The following SETD2 variants were observed in gnomAD, a reference collection of about 807,000 sequenced individuals.
The protein encoded by SETD2 is histone-lysine N-methyltransferase SETD2.
SETD2 carries 31 observed loss-of-function variants against 242.1 expected under a neutral mutation model. The ratio of observed to expected loss-of-function variants is 0.13; its 90% confidence interval spans 0.10 to 0.17. The LOEUF is 0.17. SETD2 is among the 10% of genes least tolerant of loss of function. The pLI, the probability that SETD2 is intolerant of heterozygous loss-of-function variation, is 1.00. For synonymous variants in SETD2, 1,006 were observed against 1,066.5 expected, an observed-to-expected ratio of 0.94 and a Z score of 1.11; for missense variants, 2,481 against 3,046.3, an observed-to-expected ratio of 0.81 and a Z score of 4.37.
At position 47,016,789 on chromosome 3, in the gene SETD2, T is replaced by C. The variant is rs959608338; in HGVS notation, c.*304A>G. 6 of 381,080 alleles carry C rather than the reference T, an allele frequency of 1.6e-5. No homozygotes were observed. The highest frequency in any genetic ancestry group is 7.9e-5 in the African/African-American group (4 of 50,750). The allele number at this position is 381,080 out of a possible 1,614,324, so 23.6% of individuals were successfully genotyped here. A position where few individuals can be genotyped will look rare whatever the true frequency, so the allele number is the denominator to read the frequency against. ...TGGGGATGCGCATGGGTCTGTGCGC[T>C]GACAGCACCGCCAAGGAGAAGACCC... is the stretch of plus-strand genomic sequence containing the variant. On this transcript the variant is annotated 3_prime_UTR_variant, in exon 21 of 21. Transcript: ENST00000409792.
Position 47,093,304 on chromosome 3 carries a change from G to T in SETD2, c.5142+4651C>A, listed in dbSNP as rs543524663. Among the ~76,000 whole-genome samples the T allele has an allele frequency of 2.5e-3, 303 of 122,328 alleles. 2 individuals are homozygous for T. Among genetic ancestry groups the T allele is most frequent in the Admixed American group, 6.3e-3 (75 of 11,836 alleles). 80.3% of individuals were successfully genotyped at this position (122,328 alleles called of 152,430 possible). A position where few individuals can be genotyped will look rare whatever the true frequency, so the allele number is the denominator to read the frequency against. On this transcript the variant is annotated intron_variant, in intron 9 of 20. Coordinates refer to ENST00000409792, the MANE Select transcript of SETD2 (RefSeq NM_014159.7). ...CCATCCTTTTTTTTTTTTTTTTTGA[G>T]ACTGAGCTTCACTCTGTCGCCCAGG... is the stretch of plus-strand genomic sequence containing the variant.
chr3:47,030,707 A>T (rs79534944), intron 18 of SETD2, among the ~76,000 whole-genome samples: 1 of 152,190 alleles, frequency 6.6e-6, no homozygotes, highest in Non-Finnish European at 1.5e-5. Flanking sequence ...AACTATTATT[A>T]AAAAATGGAA....
rs2043175520 is a variant in SETD2, at chr3:47,123,169, A to G, written c.1467T>C (p.Ser489=). 6.2e-7 allele frequency: 1 copy of G among 1,608,838 alleles called. No individual in the cohort carries two copies. The change falls in exon 3 of 21, where the codon TCT becomes TCC. Residue 489 remains serine (S), a synonymous_variant. Coordinates refer to ENST00000409792, the MANE Select transcript of SETD2 (RefSeq NM_014159.7). ...SYRDLRTSSY[S]KSDRDCKTET... ...CAGTTTTACAGTCCCGATCAGATTT[A>G]GAATAGGATGATGTCCTTAGGTCTC...
At chr3:47,070,383 C>G (rs1241821256) in intron 12 of SETD2, among the ~76,000 whole-genome samples, 2 of 152,188 alleles carry the variant, frequency 1.3e-5, no homozygotes, top group Non-Finnish European at 1.5e-5. Flanking sequence ...GATCCTCTCT[C>G]TTTCTAGTCA....
intron 9 of SETD2, among the ~76,000 whole-genome samples, chr3:47,092,964 T>C (rs2041864532): frequency 6.6e-6 from 1 of 152,180 alleles, no homozygotes; most frequent in African/African-American, 2.4e-5. Flanking sequence ...TCTTTATAGG[T>C]TTACTATCCA....
chr3:47,079,184 T>A (rs1262547267), intron 12 of SETD2, among the ~76,000 whole-genome samples: 1 of 152,188 alleles, frequency 6.6e-6, no homozygotes, highest in Non-Finnish European at 1.5e-5. Context: ...TGAAATTATA[T>A]CATAATTAAA....
intron 5 of SETD2, among the ~76,000 whole-genome samples, chr3:47,107,674 AG>A (rs548888159): frequency 7.0e-5 from 10 of 142,108 alleles, no homozygotes; most frequent in Admixed American, 3.8e-4. Flanking sequence ...CTCCACTTCC[AG>A]GATTAGTGCC....
At chr3:47,129,405 G>A (rs1282174050) in intron 1 of SETD2, among the ~76,000 whole-genome samples, 2 of 152,196 alleles carry the variant, frequency 1.3e-5, no homozygotes, top group East Asian at 3.9e-4. Flanking sequence ...AGAGCTTTCT[G>A]CACTCGTTTG....
Position 47,123,143 on chromosome 3 carries a change from T to A in SETD2, c.1493A>T (p.Glu498Val), listed in dbSNP as rs1220399210. ...YSKSDRDCKT[E>V]TSYLEMERRG... is the part of the protein sequence containing the mutation. ...TCTTTCCATCTCTAAGTAAGAGGTC[T>A]CAGTTTTACAGTCCCGATCAGATTT... is the stretch of plus-strand genomic sequence containing the variant. The change falls in exon 3 of 21, where the codon GAG (glutamate) becomes GTG (valine). Residue 498 changes from glutamate (E) to valine (V), a missense_variant. Glu to Val is a moderately radical substitution (Grantham distance 121, BLOSUM62 -2). Transcript: ENST00000409792. 2 of 1,613,216 alleles carry A rather than the reference T, an allele frequency of 1.2e-6. No homozygotes were observed. The highest frequency in any genetic ancestry group is 1.7e-6 in the Non-Finnish European group (2 of 1,179,418).
intron 5 of SETD2, among the ~76,000 whole-genome samples, chr3:47,107,922 A>T (rs1263224584): frequency 6.6e-6 from 1 of 151,998 alleles, no homozygotes; most frequent in African/African-American, 2.4e-5. Context: ...TGAATCTACA[A>T]TGAGCTACAA....
chr3:47,140,415 C>A (rs2043699171), intron 1 of SETD2, among the ~76,000 whole-genome samples: 1 of 152,210 alleles, frequency 6.6e-6, no homozygotes, highest in Non-Finnish European at 1.5e-5. Context: ...TAATTTTACT[C>A]ATTACTCTGA....
chr3:47,101,323 C>T (rs2042203399), intron 8 of SETD2, 135 bp downstream of exon 8: 1 of 575,620 alleles, frequency 1.7e-6, no homozygotes, highest in Non-Finnish European at 3.1e-6. Context: ...CACACAAAAC[C>T]AAAACAATAT....
intron 15 of SETD2, among the ~76,000 whole-genome samples, chr3:47,054,762 AT>A (rs2039983804): frequency 6.6e-6 from 1 of 152,206 alleles, no homozygotes; most frequent in Non-Finnish European, 1.5e-5. Flanking sequence ...ATGGAATGCT[AT>A]TTATAATTAT....
chr3:47,094,889 A>G (rs1483741218), intron 9 of SETD2, among the ~76,000 whole-genome samples: 2 of 152,198 alleles, frequency 1.3e-5, no homozygotes, highest in Non-Finnish European at 2.9e-5. Context: ...ACTAAGACCT[A>G]TCCTGAAATT....
intron 18 of SETD2, among the ~76,000 whole-genome samples, chr3:47,021,931 G>A (rs1361830272): frequency 2.6e-5 from 4 of 151,246 alleles, no homozygotes; most frequent in Admixed American, 2.0e-4. Context: ...GGCGGATCAC[G>A]AGGTCAAGAG....
intron 1 of SETD2, among the ~76,000 whole-genome samples, chr3:47,135,741 G>A (rs998933353): frequency 6.6e-6 from 1 of 152,132 alleles, no homozygotes; most frequent in East Asian, 1.9e-4. Flanking sequence ...CTATCACCAT[G>A]ATCTCCATGA....
chr3:47,133,191 A>G lies in SETD2; in HGVS notation c.72-6528T>C, dbSNP rs115853588. On this transcript the variant is annotated intron_variant, in intron 1 of 20. Transcript: ENST00000409792. The stretch of plus-strand genomic sequence containing the variant: ...TCGGGAATCTGGGTGAAGGGTATAT[A>G]GGAAATCTCTGTGTTTTAAAAAAAT... Among the ~76,000 whole-genome samples, 718 of 152,272 alleles carry G rather than the reference A, an allele frequency of 4.7e-3. 9 individuals carry two copies. Among genetic ancestry groups the G allele is most frequent in the African/African-American group, 0.017 (697 of 41,554 alleles).
intron 1 of SETD2, among the ~76,000 whole-genome samples, chr3:47,127,349 T>A (rs1384028268): frequency 5.6e-5 from 8 of 142,210 alleles, no homozygotes; most frequent in Non-Finnish European, 6.1e-5. Flanking sequence ...TGGCTGTCTT[T>A]AAAAAAAAAA....
rs1559701773 is a variant in SETD2, at chr3:47,084,174, T to C, written c.5606A>G (p.Asp1869Gly). The C allele has an allele frequency of 3.1e-6, 5 of 1,614,192 alleles. No individual in the cohort carries two copies. The highest frequency in any genetic ancestry group is 4.2e-6 in the Non-Finnish European group (5 of 1,180,028). ...CATTAGTTTCTTGGGAGTGTCTGTG[T>C]CAGCTTCTGTGCTCAGCTTGGTGGA... is the stretch of plus-strand genomic sequence containing the variant. ...DPSTKLSTEADTDTPKKLMFR... is the reference protein window; with the variant it reads ...DPSTKLSTEAGTDTPKKLMFR... Residue 1869 changes from aspartate (D) to glycine (G), a missense_variant, in exon 12 of 21, where the codon GAC becomes GGC. This residue lies in a region of SETD2 where 203 missense variants were observed against 222.4 expected (regional missense o/e 0.91). Transcript: ENST00000409792.
Sources: gnomAD v4.1 joint callset for allele counts (sites outside exome capture counted in the v4.1 genomes callset) on GRCh38, gnomAD v4.1.1 for gene constraint, gnomAD v4.1.1 regional missense constraint, MANE v1.5 for transcripts, NCBI Gene and HGNC (gene_info 2026-07-23, HGNC 2026-07-21) for gene names.